KANK3: variants seen among roughly 807,000 people sequenced by gnomAD.
KANK3 encodes KN motif and ankyrin repeat domain-containing protein 3.
A neutral mutation model predicts 65.4 loss-of-function variants in KANK3; 61 were observed. The observed-to-expected ratio is 0.93, with a 90% CI of 0.76 to 1.15. The LOEUF (loss-of-function observed/expected upper bound fraction) is 1.15. KANK3 is among the 50% of genes most tolerant of loss of function. KANK3 has a pLI of 0.00. For missense variants in KANK3, 1,187 were observed against 1,178.8 expected (o/e 1.01, Z -0.10); for synonymous variants, 586 against 543.3 (o/e 1.08, Z -1.09).
At position 8,334,837 on chromosome 19, in the gene KANK3, G is replaced by A. The variant is rs1266923548; in HGVS notation, c.990C>T (p.Ala330=). ...PETREAGVEA[A]PETVEADAWV... is the part of the protein sequence containing the mutation. The stretch of plus-strand genomic sequence containing the variant: ...ACGCGTCCGCCTCCACGGTCTCGGG[G>A]GCAGCCTCCACGCCGGCCTCCCGGG... Residue 330 remains alanine (A), a synonymous_variant, in exon 3 of 11, where the codon GCC becomes GCT. Transcript: ENST00000330915. 6.8e-7 allele frequency: 1 copy of A among 1,478,160 alleles called. No individual in the cohort carries two copies. Among genetic ancestry groups the A allele is most frequent in the Non-Finnish European group, 8.9e-7 (1 of 1,123,714 alleles). 91.6% of individuals were successfully genotyped at this position (1,478,160 alleles called of 1,614,324 possible).
At position 8,335,618 on chromosome 19, in the gene KANK3, G is replaced by T. The variant is rs1265762512; in HGVS notation, c.209C>A (p.Ser70Ter). Residue 70 changes from serine (S) to a stop codon, truncating the protein, a stop_gained, in exon 3 of 11, where the codon TCG becomes TAG. Transcript: ENST00000330915. LOFTEE classifies it high-confidence loss of function. ...AARRAPGPPT[S>*]RRPRAPRPGL... ...GGGCCGGGGCGCGCGGGGACGGCGCGAGGTCGGGGGTCCCGGGGCGCGGCG... is the reference window on the plus strand; with the variant it reads ...GGGCCGGGGCGCGCGGGGACGGCGCTAGGTCGGGGGTCCCGGGGCGCGGCG... 8 of 1,239,906 alleles carry T rather than the reference G, an allele frequency of 6.5e-6. No homozygotes were observed. Among genetic ancestry groups the T allele is most frequent in the Non-Finnish European group, 1.0e-6 (1 of 988,886 alleles). The allele number at this position is 1,239,906 out of a possible 1,614,324, so 76.8% of individuals were successfully genotyped here. A position where few individuals can be genotyped will look rare whatever the true frequency, so the allele number is the denominator to read the frequency against.
chr19:8,336,228 G>A (rs1970635200), intron 2 of KANK3, among the ~76,000 whole-genome samples: 1 of 152,134 alleles, frequency 6.6e-6, no homozygotes, highest in Non-Finnish European at 1.5e-5. Flanking sequence ...CTGAGGTCAG[G>A]AGTTCCAGAC....
At chr19:8,324,090 T>C (rs1970375249) in intron 10 of KANK3, among the ~76,000 whole-genome samples, 1 of 152,098 alleles carries the variant, frequency 6.6e-6, no homozygotes, top group African/African-American at 2.4e-5. Flanking sequence ...TGACCTGGGG[T>C]AGTGTCAACC....
rs1970641302 is a variant in KANK3 at position 8,336,519 on chromosome 19, T to C, written c.35-727A>G. ...TGGGAGGCCGAGGCGGGTGGATCGC[T>C]AGAGCTTAGGAGTTCGAGACAAACC... On this transcript the variant is annotated intron_variant, in intron 2 of 10. Transcript: ENST00000330915. 2.0e-5 allele frequency among the ~76,000 whole-genome samples: 3 copies of C among 151,304 alleles called. No individual in the cohort carries two copies. In the South Asian group the frequency reaches 6.2e-4, roughly 31 times the overall value.
At chr19:8,331,085 C>T (rs35943159) in intron 7 of KANK3, among the ~76,000 whole-genome samples, 20,952 of 151,536 alleles carry the variant, frequency 0.14, 1,675 homozygotes, top group Middle Eastern at 0.22. Flanking sequence ...CCCAGCTACT[C>T]GGGAGGCTGA....
At position 8,333,820 on chromosome 19, in the gene KANK3, G is replaced by C. The variant is rs760232908; in HGVS notation, c.1635-12C>G. On this transcript the variant is annotated splice_polypyrimidine_tract_variant and intron_variant, in intron 5 of 10. Transcript: ENST00000330915. This position sits in a 1 kb window ranked among gnomAD's most constrained non-coding sequence, Gnocchi z 5.0. ...GGCTCAGCTCGCACCTGCAGAGGAGGCCAGGAGAGACTCAGGATGGATCGG... is the reference window on the plus strand; with the variant it reads ...GGCTCAGCTCGCACCTGCAGAGGAGCCCAGGAGAGACTCAGGATGGATCGG... 1 of 1,545,706 alleles carries C rather than the reference G, an allele frequency of 6.5e-7. No homozygotes were observed. Among genetic ancestry groups the C allele is most frequent in the Non-Finnish European group, 8.7e-7 (1 of 1,144,974 alleles).
At position 8,322,765 on chromosome 19, in the gene KANK3, C is replaced by T. The variant is rs141480951; in HGVS notation, c.*74G>A. 9,626 of 1,174,872 alleles carry T rather than the reference C, an allele frequency of 8.2e-3. 58 individuals carry two copies. Among genetic ancestry groups the T allele is most frequent in the Non-Finnish European group, 0.01 (8,032 of 801,302 alleles). The allele number at this position is 1,174,872 out of a possible 1,614,324, so 72.8% of individuals were successfully genotyped here. A position where few individuals can be genotyped will look rare whatever the true frequency, so the allele number is the denominator to read the frequency against. On this transcript the variant is annotated 3_prime_UTR_variant, in exon 11 of 11. Coordinates refer to ENST00000330915, the MANE Select transcript of KANK3 (RefSeq NM_198471.3). ...TCTGAGCAGGGGACCCTGGACCCTT[C>T]TGTGCGCCAAAGGCTGAGGTGACTG...
At chr19:8,327,381 C>T (rs1970447491) in intron 7 of KANK3, among the ~76,000 whole-genome samples, 1 of 151,832 alleles carries the variant, frequency 6.6e-6, no homozygotes, top group Admixed American at 6.6e-5. Flanking sequence ...TCTGTAATCC[C>T]AGCACTTTGG....
intron 7 of KANK3, among the ~76,000 whole-genome samples, chr19:8,331,224 G>C (rs1024480570): frequency 1.3e-5 from 2 of 151,866 alleles, no homozygotes; most frequent in African/African-American, 4.8e-5. Context: ...AGGGGTGGGG[G>C]GGGGATTCAA....
intron 1 of KANK3, among the ~76,000 whole-genome samples, chr19:8,338,907 A>G: frequency 6.8e-6 from 1 of 146,930 alleles, no homozygotes; most frequent in Non-Finnish European, 1.5e-5. Context: ...AAAGGATGTA[A>G]TTGTGCATCC....
At position 8,324,761 on chromosome 19, in the gene KANK3, ACGCCAGTAGGGT is replaced by A; in HGVS notation, c.2140_2151del (p.Thr714_Ala717del). Reference sequence around the variant, plus strand: ...TCCTGCGCATTCACATCAGCCCCACACGCCAGTAGGGTTGCCACCATGTCCTGTCGGCCATGG... The same window carrying A: ...TCCTGCGCATTCACATCAGCCCCACATGCCACCATGTCCTGTCGGCCATGG... On this transcript the variant is annotated inframe_deletion, in exon 9 of 11. Transcript: ENST00000330915. 1 of 1,614,072 alleles carries A rather than the reference ACGCCAGTAGGGT, an allele frequency of 6.2e-7. No individual in the cohort carries two copies. The highest frequency in any genetic ancestry group is 8.5e-7 in the Non-Finnish European group (1 of 1,180,036).
At chr19:8,330,663 G>A (rs1413161525) in intron 7 of KANK3, among the ~76,000 whole-genome samples, 2 of 152,008 alleles carry the variant, frequency 1.3e-5, no homozygotes, top group African/African-American at 4.8e-5. Context: ...GGGAGGCGGA[G>A]GTTGCAGTGA....
rs770334011 is a variant in KANK3 at position 8,325,013 on chromosome 19, CCT to C, written c.2018_2019del (p.Glu673GlyfsTer14). 5.6e-6 allele frequency: 9 copies of C among 1,613,868 alleles called. No individual in the cohort carries two copies. The African/African-American group carries it at 1.1e-4, about 19-fold the overall frequency. On this transcript the variant is annotated frameshift_variant, in exon 8 of 11. Transcript: ENST00000330915. LOFTEE classifies it high-confidence loss of function. ...AGTCTCTGGACCACAGCCATGTCCT[CCT>C]CTTCCTGCCTCACAGAGGTGAGTGC... ...LAALTSVRQE[E>X]EDMAVVQRLF... is the part of the protein sequence containing the mutation.
intron 7 of KANK3, among the ~76,000 whole-genome samples, chr19:8,329,598 C>T (rs1223381510): frequency 1.3e-5 from 2 of 151,724 alleles, no homozygotes; most frequent in Non-Finnish European, 2.9e-5. Context: ...CTGTTCCTGT[C>T]CCCATCTAGA....
At position 8,324,452 on chromosome 19, in the gene KANK3, G is replaced by T. The variant is rs1226809782; in HGVS notation, c.2379C>A (p.Thr793=). 1 of 1,599,210 alleles carries T rather than the reference G, an allele frequency of 6.3e-7. No homozygotes were observed. Among genetic ancestry groups the T allele is most frequent in the Non-Finnish European group, 8.5e-7 (1 of 1,172,954 alleles). Reference sequence around the variant, plus strand: ...TTTCTTCCAGAGCTGTGCTCACCTGGGTGTCGGGCTGGCCCGAGCTCAGGT... The same window carrying T: ...TTTCTTCCAGAGCTGTGCTCACCTGTGTGTCGGGCTGGCCCGAGCTCAGGT... ...HAHLSSGQPD[T]QSESPPGSQT... Residue 793 remains threonine, a synonymous_variant, in exon 10 of 11, where the codon ACC becomes ACA. Coordinates refer to ENST00000330915, the MANE Select transcript of KANK3 (RefSeq NM_198471.3).
chr19:8,340,373 A>G (rs952036043), intron 1 of KANK3, among the ~76,000 whole-genome samples: 2 of 151,856 alleles, frequency 1.3e-5, no homozygotes, highest in African/African-American at 4.8e-5. Flanking sequence ...TTCATATTTT[A>G]CAGATGGAGA....
At position 8,335,004 on chromosome 19, in the gene KANK3, G is replaced by C. The variant is rs1173792534; in HGVS notation, c.823C>G (p.Leu275Val). The C allele has an allele frequency of 1.4e-5, 21 of 1,473,734 alleles. No homozygotes were observed. Among genetic ancestry groups the C allele is most frequent in the Non-Finnish European group, 1.9e-5 (21 of 1,122,206 alleles). The allele number at this position is 1,473,734 out of a possible 1,614,324, so 91.3% of individuals were successfully genotyped here. A position where few individuals can be genotyped will look rare whatever the true frequency, so the allele number is the denominator to read the frequency against. Reference protein sequence around the residue: ...ASPRADSPDGLAAGRSEGALQ... With the variant: ...ASPRADSPDGVAAGRSEGALQ... ...GCGCCCTCGCTGCGCCCTGCAGCCAGGCCGTCTGGGCTGTCAGCCCGGGGG... is the reference window on the plus strand; with the variant it reads ...GCGCCCTCGCTGCGCCCTGCAGCCACGCCGTCTGGGCTGTCAGCCCGGGGG... The change falls in exon 3 of 11, where the codon CTG (leucine) becomes GTG (valine). Residue 275 changes from leucine to valine, a missense_variant. Coordinates refer to ENST00000330915, the MANE Select transcript of KANK3 (RefSeq NM_198471.3).
intron 1 of KANK3, among the ~76,000 whole-genome samples, chr19:8,340,866 G>A (rs1289158764): frequency 2.0e-5 from 3 of 152,328 alleles, no homozygotes; most frequent in South Asian, 2.1e-4. Flanking sequence ...GCGGGTCATC[G>A]CAGAGGACAG....
At chr19:8,329,411 C>T (rs1190949190) in intron 7 of KANK3, among the ~76,000 whole-genome samples, 7 of 139,804 alleles carry the variant, frequency 5.0e-5, no homozygotes, top group Admixed American at 3.1e-4. Flanking sequence ...CACTCGAACC[C>T]GGGAGGCAGA....
Sources: allele counts gnomAD v4.1 joint callset (sites outside exome capture counted in the v4.1 genomes callset), GRCh38; gene constraint gnomAD v4.1.1; non-coding constraint Gnocchi (gnomAD v3.1); transcripts MANE v1.5; gene names NCBI Gene and HGNC (gene_info 2026-07-23, HGNC 2026-07-21).